The following MYO1B variants were observed in gnomAD, a reference collection of about 807,000 sequenced individuals.
MYO1B encodes unconventional myosin-Ib.
MYO1B carries 72 observed loss-of-function variants against 159.7 expected under a neutral mutation model. The ratio of observed to expected loss-of-function variants is 0.45; its 90% CI spans 0.37 to 0.55. The LOEUF is 0.55. MYO1B is among the 20% of genes least tolerant of loss of function. The probability of loss-of-function intolerance (pLI) is 0.00; values close to 1 mark genes in which losing one functional copy is unlikely to be tolerated. For missense variants in MYO1B, 1,062 were observed against 1,364.8 expected, an observed-to-expected ratio of 0.78 and a Z score of 3.50; for synonymous variants, 468 against 473.8, an observed-to-expected ratio of 0.99 and a Z score of 0.16.
chr2:191,246,974 T>A (rs1685829854), intron 1 of MYO1B, among the ~76,000 whole-genome samples: 1 of 152,228 alleles, frequency 6.6e-6, no homozygotes, highest in African/African-American at 2.4e-5. Flanking sequence ...GTCAGACATT[T>A]GTTAAGTGAC....
At chr2:191,296,666 A>G (rs1297149636) in intron 3 of MYO1B, among the ~76,000 whole-genome samples, 1 of 152,208 alleles carries the variant, frequency 6.6e-6, no homozygotes, top group Non-Finnish European at 1.5e-5. Flanking sequence ...TTTGCAGACA[A>G]TGTTCACCAG....
At chr2:191,263,367 A>C in intron 1 of MYO1B, 2 of 982,966 alleles carry the variant, frequency 2.0e-6, no homozygotes, top group Non-Finnish European at 2.4e-6. Flanking sequence ...TCAGTGGAAA[A>C]AGCAATGGAG....
intron 1 of MYO1B, among the ~76,000 whole-genome samples, chr2:191,264,750 T>A (rs1022779237): frequency 3.3e-5 from 5 of 151,704 alleles, no homozygotes; most frequent in African/African-American, 7.3e-5. Flanking sequence ...GTCTGGCATT[T>A]GCTGGCTTTT....
chr2:191,353,225 G>A (rs1300957563), intron 7 of MYO1B, among the ~76,000 whole-genome samples: 1 of 152,146 alleles, frequency 6.6e-6, no homozygotes, highest in Non-Finnish European at 1.5e-5. Context: ...AAATGTTTAG[G>A]TGATGTTAAA....
chr2:191,262,054 A>G (rs148538792), intron 1 of MYO1B, among the ~76,000 whole-genome samples: 3 of 152,194 alleles, frequency 2.0e-5, no homozygotes, highest in African/African-American at 7.2e-5. Context: ...ACCTCTGTCA[A>G]ATTAGTTTCC....
chr2:191,288,645 G>C (rs1488697861), intron 2 of MYO1B, among the ~76,000 whole-genome samples: 1 of 152,138 alleles, frequency 6.6e-6, no homozygotes, highest in Admixed American at 6.5e-5. Flanking sequence ...ACCATGCCCA[G>C]CATGATGTTT....
chr2:191,293,711 T>C (rs1218136151), intron 2 of MYO1B, among the ~76,000 whole-genome samples: 1 of 152,192 alleles, frequency 6.6e-6, no homozygotes, highest in Non-Finnish European at 1.5e-5. Context: ...GTTTCTTTAC[T>C]GCAACCTGTT....
chr2:191,413,796 C>G (rs981509610), intron 27 of MYO1B, among the ~76,000 whole-genome samples: 5 of 152,042 alleles, frequency 3.3e-5, no homozygotes, highest in African/African-American at 1.2e-4. Context: ...TTGATTGTTC[C>G]GTGTGATAAG....
rs1696470899 is a variant in MYO1B, at chr2:191,399,473, T to A, written c.2296-909T>A. Among the ~76,000 whole-genome samples the A allele has an allele frequency of 1.3e-5, 2 of 152,234 alleles. 1 individual carries two copies. The highest frequency in any genetic ancestry group is 4.1e-4 in the South Asian group (2 of 4,836). ...AGTCAAGTAGTAGCGATAGACTGTG[T>A]GACCTTCAGAGCCAAAAGCAGTTAC... is the stretch of plus-strand genomic sequence containing the variant. On this transcript the variant is annotated intron_variant, in intron 21 of 30. Transcript: ENST00000392318.
intron 1 of MYO1B, among the ~76,000 whole-genome samples, chr2:191,266,392 G>A (rs1687142654): frequency 6.6e-6 from 1 of 152,194 alleles, no homozygotes; most frequent in African/African-American, 2.4e-5. Flanking sequence ...GAATTCCTTT[G>A]GATTCCAGCC....
chr2:191,322,815 C>A (rs1690812654), intron 3 of MYO1B, among the ~76,000 whole-genome samples: 1 of 152,100 alleles, frequency 6.6e-6, no homozygotes, highest in African/African-American at 2.4e-5. Context: ...AGAGAGGGTT[C>A]TTGGATCTTG....
At chr2:191,336,130 G>A (rs1470944423) in intron 4 of MYO1B, among the ~76,000 whole-genome samples, 1 of 152,146 alleles carries the variant, frequency 6.6e-6, no homozygotes, top group African/African-American at 2.4e-5. Context: ...AAATCTCTGG[G>A]CCTGAGAAGA....
At chr2:191,292,101 G>T (rs1442724606) in intron 2 of MYO1B, among the ~76,000 whole-genome samples, 1 of 152,206 alleles carries the variant, frequency 6.6e-6, no homozygotes, top group Non-Finnish European at 1.5e-5. Flanking sequence ...GGAGTTCAAG[G>T]TTAGAAGATA....
At chr2:191,292,628 T>C (rs1363515205) in intron 2 of MYO1B, among the ~76,000 whole-genome samples, 1 of 151,270 alleles carries the variant, frequency 6.6e-6, no homozygotes, top group Non-Finnish European at 1.5e-5. Context: ...TCGATGTTAA[T>C]GCTGGAGAGG....
chr2:191,268,078 C>G (rs7572320), intron 1 of MYO1B, among the ~76,000 whole-genome samples: 5,984 of 152,270 alleles, frequency 0.039, 398 homozygotes, highest in African/African-American at 0.14. Context: ...GAAGAGCAGA[C>G]AAACAAACTC....
Position 191,416,198 on chromosome 2 carries a change from T to A in MYO1B, c.3243T>A (p.Thr1081=). The A allele has an allele frequency of 1.9e-6, 3 of 1,614,118 alleles. No individual in the cohort carries two copies. Among genetic ancestry groups the A allele is most frequent in the Non-Finnish European group, 2.5e-6 (3 of 1,180,018 alleles). Residue 1081 remains threonine (T), a synonymous_variant, in exon 30 of 31, where the codon ACT becomes ACA. Transcript: ENST00000392318. The part of the protein sequence containing the change: ...IEMATKLYRT[T]LSQTKQKLNI... ...TGGCCACCAAGCTCTATCGCACAAC[T>A]CTCAGCCAAACCAAACAGAAGCTCA...
intron 4 of MYO1B, among the ~76,000 whole-genome samples, chr2:191,332,932 C>G (rs1290908767): frequency 6.6e-6 from 1 of 152,124 alleles, no homozygotes; most frequent in Non-Finnish European, 1.5e-5. Flanking sequence ...TTTCTACTAC[C>G]TAATTTAATG....
At chr2:191,422,084 T>C (rs927864455) in intron 30 of MYO1B, among the ~76,000 whole-genome samples, 4 of 152,098 alleles carry the variant, frequency 2.6e-5, no homozygotes, top group Admixed American at 2.0e-4. Context: ...ACCTTGAAAC[T>C]GAAACTAATG....
intron 21 of MYO1B, among the ~76,000 whole-genome samples, chr2:191,397,157 T>TTG (rs869251820): frequency 3.2e-5 from 4 of 126,892 alleles, no homozygotes; most frequent in Admixed American, 7.7e-5. Context: ...TTTTTTTTTT[T>TTG]GTAGGTGGGA....
Sources: gnomAD v4.1 joint callset for allele counts (sites outside exome capture counted in the v4.1 genomes callset) on GRCh38, gnomAD v4.1.1 for gene constraint, MANE v1.5 for transcripts, NCBI Gene and HGNC (gene_info 2026-07-23, HGNC 2026-07-21) for gene names.